Variants in LRRIQ3 observed in about 807,000 individuals in gnomAD.
LRRIQ3 encodes leucine rich repeats and IQ motif containing 3.
LRRIQ3 carries 75 observed loss-of-function variants against 59.3 expected under a neutral mutation model. The observed-to-expected ratio is 1.26, with a 90% CI of 1.05 to 1.53. The LOEUF is 1.53. LRRIQ3 is among the 40% of genes most tolerant of loss of function. The probability of loss-of-function intolerance (pLI) is 0.00; values close to 1 mark genes in which losing one functional copy is unlikely to be tolerated. For missense variants in LRRIQ3, 831 were observed against 710.0 expected (o/e 1.17, Z -1.94); for synonymous variants, 250 against 231.3 (o/e 1.08, Z -0.73).
intron 5 of LRRIQ3, among the ~76,000 whole-genome samples, chr1:74,098,867 A>G (rs1646488348): frequency 6.6e-6 from 1 of 152,192 alleles, no homozygotes; most frequent in African/African-American, 2.4e-5. Flanking sequence ...GAGAAAAAAG[A>G]CACAACATAC....
intron 6 of LRRIQ3, chr1:74,050,471 G>A (rs973350896): frequency 5.2e-6 from 5 of 964,050 alleles, no homozygotes; most frequent in Admixed American, 6.2e-5. Flanking sequence ...TGAACAGATA[G>A]TTGGATCTTT....
chr1:74,138,073 C>A (rs1647156036), intron 4 of LRRIQ3, among the ~76,000 whole-genome samples: 1 of 150,870 alleles, frequency 6.6e-6, no homozygotes, highest in South Asian at 2.1e-4. Context: ...CACATGTATC[C>A]CAGAACTTAA....
chr1:74,084,081 C>T (rs1557607300), intron 5 of LRRIQ3: 5 of 1,238,120 alleles, frequency 4.0e-6, no homozygotes, highest in Non-Finnish European at 5.6e-6. Context: ...GCTGATATCC[C>T]TAGTGTCCAA....
intron 7 of LRRIQ3, among the ~76,000 whole-genome samples, chr1:74,038,792 G>C (rs1471610259): frequency 6.6e-6 from 1 of 152,120 alleles, no homozygotes; most frequent in Admixed American, 6.5e-5. Flanking sequence ...CAGCAAAAAA[G>C]AGTTCCCAAC....
chr1:74,119,830 CT>C (rs1361098982), intron 4 of LRRIQ3, among the ~76,000 whole-genome samples: 2 of 151,984 alleles, frequency 1.3e-5, no homozygotes, highest in African/African-American at 4.8e-5. Context: ...ATAAAGTGGC[CT>C]AAAAGTAATT....
At chr1:74,187,812 A>G (rs1032367728) in intron 1 of LRRIQ3, among the ~76,000 whole-genome samples, 4 of 152,200 alleles carry the variant, frequency 2.6e-5, no homozygotes, top group African/African-American at 9.6e-5. Context: ...ACGCTTATAC[A>G]TTGTTGGTGG....
intron 5 of LRRIQ3, chr1:74,084,260 A>C: frequency 6.6e-7 from 1 of 1,519,474 alleles, no homozygotes. Context: ...GGAAAAAATC[A>C]GTTAAACTCT....
intron 4 of LRRIQ3, among the ~76,000 whole-genome samples, chr1:74,139,458 C>A (rs1458075110): frequency 6.6e-6 from 1 of 151,880 alleles, no homozygotes; most frequent in Non-Finnish European, 1.5e-5. Context: ...ACCAAATTCT[C>A]TAATCCTCTG....
chr1:74,038,421 GT>G lies in LRRIQ3; in HGVS notation c.1718+2791del, dbSNP rs771549539. Among the ~76,000 whole-genome samples, 32 of 152,280 alleles carry G rather than the reference GT, an allele frequency of 2.1e-4. No individual in the cohort carries two copies. In the East Asian group the frequency reaches 4.6e-3, roughly 22 times the overall value. ...GAATCTGGGCAGCCCAGACAAGTGGGTTTCCCCCCCAGCAAAACACACCTTT... is the reference window on the plus strand; with the variant it reads ...GAATCTGGGCAGCCCAGACAAGTGGGTTCCCCCCCAGCAAAACACACCTTT... On this transcript the variant is annotated intron_variant, in intron 7 of 7. Coordinates refer to ENST00000354431, the MANE Select transcript of LRRIQ3 (RefSeq NM_001105659.2).
At chr1:74,105,197 T>C (rs376035857) in intron 5 of LRRIQ3, among the ~76,000 whole-genome samples, 1 of 151,858 alleles carries the variant, frequency 6.6e-6, no homozygotes, top group African/African-American at 2.4e-5. Context: ...ACTATTAATA[T>C]CTTGCTGACT....
chr1:74,053,638 G>T (rs1654438824), intron 6 of LRRIQ3, among the ~76,000 whole-genome samples: 8 of 151,852 alleles, frequency 5.3e-5, no homozygotes, highest in Admixed American at 5.3e-4. Context: ...AACAGGATAT[G>T]ATGGCACCAC....
chr1:74,125,859 G>A (rs1242543441), intron 4 of LRRIQ3, among the ~76,000 whole-genome samples: 1 of 151,842 alleles, frequency 6.6e-6, no homozygotes, highest in Non-Finnish European at 1.5e-5. Context: ...GGATAATACT[G>A]GCCTTGTAGA....
At chr1:74,045,093 C>A (rs1654161046) in intron 6 of LRRIQ3, among the ~76,000 whole-genome samples, 1 of 152,102 alleles carries the variant, frequency 6.6e-6, no homozygotes, top group African/African-American at 2.4e-5. Flanking sequence ...AAGAGCGAAT[C>A]CTCCTTAACT....
chr1:74,118,675 A>G (rs905186275), intron 4 of LRRIQ3, among the ~76,000 whole-genome samples: 2 of 152,062 alleles, frequency 1.3e-5, no homozygotes, highest in African/African-American at 4.8e-5. Context: ...TAGAACCAGT[A>G]GAAAAAAAAT....
intron 6 of LRRIQ3, among the ~76,000 whole-genome samples, chr1:74,049,847 C>A: frequency 6.6e-6 from 1 of 151,428 alleles, no homozygotes; most frequent in East Asian, 1.9e-4. Flanking sequence ...GAACAAATAC[C>A]ATTTATTTCC....
At chr1:74,082,100 A>G (rs1241014062) in intron 5 of LRRIQ3, 1 of 151,666 alleles carries the variant, frequency 6.6e-6, no homozygotes, top group African/African-American at 2.4e-5. Context: ...TATCCATGGC[A>G]TAATATTAAA....
At chr1:74,047,924 C>T (rs1373313474) in intron 6 of LRRIQ3, among the ~76,000 whole-genome samples, 1 of 152,054 alleles carries the variant, frequency 6.6e-6, no homozygotes, top group East Asian at 1.9e-4. Flanking sequence ...GGTTAGTGTT[C>T]TCATGAGAAG....
chr1:74,146,547 G>A (rs1357738690), intron 4 of LRRIQ3, among the ~76,000 whole-genome samples: 2 of 152,092 alleles, frequency 1.3e-5, no homozygotes, highest in African/African-American at 2.4e-5. Flanking sequence ...GTGCACATTT[G>A]TATATAATTT....
At chr1:74,128,697 A>T (rs1401615790) in intron 4 of LRRIQ3, among the ~76,000 whole-genome samples, 2 of 151,978 alleles carry the variant, frequency 1.3e-5, no homozygotes, top group East Asian at 1.9e-4. Context: ...TTGGGTATTT[A>T]TTGGACTCTT....
Sources: allele counts gnomAD v4.1 joint callset (sites outside exome capture counted in the v4.1 genomes callset), GRCh38; gene constraint gnomAD v4.1.1; transcripts MANE v1.5; gene names NCBI Gene and HGNC (gene_info 2026-07-23, HGNC 2026-07-21).